Variants in ZNF804A observed in about 807,000 individuals in gnomAD.
ZNF804A encodes zinc finger protein 804A.
A neutral mutation model predicts 16.5 loss-of-function variants in ZNF804A; 2 were observed. The observed-to-expected ratio is 0.12, with a 90% CI of 0.05 to 0.38. The LOEUF (loss-of-function observed/expected upper bound fraction) is 0.38, where lower values mean the gene tolerates loss of function less well. ZNF804A is among the 10% of genes least tolerant of loss of function. The probability of loss-of-function intolerance (pLI) is 0.99; values close to 1 mark genes in which losing one functional copy is unlikely to be tolerated. For missense variants in ZNF804A, 1,473 were observed against 1,390.7 expected, an observed-to-expected ratio of 1.06 and a Z score of -0.94; for synonymous variants, 534 against 489.6, an observed-to-expected ratio of 1.09 and a Z score of -1.20.
At chr2:184,663,568 G>A (rs992047847) in intron 1 of ZNF804A, among the ~76,000 whole-genome samples, 2 of 152,132 alleles carry the variant, frequency 1.3e-5, no homozygotes, top group Admixed American at 1.3e-4. Context: ...GGAAAGAGGT[G>A]GGTTCCTGGT....
At chr2:184,709,248 A>G (rs1277635807) in intron 1 of ZNF804A, among the ~76,000 whole-genome samples, 1 of 152,166 alleles carries the variant, frequency 6.6e-6, no homozygotes, top group Non-Finnish European at 1.5e-5. Flanking sequence ...CTCTGAAACT[A>G]AAGAATTTTA....
At chr2:184,693,585 A>G (rs1692768223) in intron 1 of ZNF804A, among the ~76,000 whole-genome samples, 1 of 152,188 alleles carries the variant, frequency 6.6e-6, no homozygotes. Flanking sequence ...GGAAAATTCA[A>G]TGTTAATTGC....
At chr2:184,883,043 A>G (rs1684833473) in intron 2 of ZNF804A, among the ~76,000 whole-genome samples, 1 of 152,142 alleles carries the variant, frequency 6.6e-6, no homozygotes. Flanking sequence ...AGCTAGACTA[A>G]CAAAGAAAAA....
intron 1 of ZNF804A, among the ~76,000 whole-genome samples, chr2:184,652,337 A>C (rs1691999775): frequency 6.6e-6 from 1 of 152,146 alleles, no homozygotes; most frequent in South Asian, 2.1e-4. Flanking sequence ...ATTGGGTACT[A>C]TGTTCAGTAC....
At chr2:184,743,830 G>C (rs1693742439) in intron 1 of ZNF804A, among the ~76,000 whole-genome samples, 1 of 151,836 alleles carries the variant, frequency 6.6e-6, no homozygotes, top group Admixed American at 6.6e-5. Flanking sequence ...CTATAAATTT[G>C]ATGAGTGTTT....
chr2:184,685,314 A>G (rs1692610964), intron 1 of ZNF804A, among the ~76,000 whole-genome samples: 1 of 152,038 alleles, frequency 6.6e-6, no homozygotes, highest in Admixed American at 6.6e-5. Flanking sequence ...AGCCCCAAAG[A>G]GAGTGTCACA....
chr2:184,750,351 A>G (rs1381838430), intron 1 of ZNF804A, among the ~76,000 whole-genome samples: 1 of 151,380 alleles, frequency 6.6e-6, no homozygotes, highest in Non-Finnish European at 1.5e-5. Flanking sequence ...CATATTTTCA[A>G]TATTATATCT....
chr2:184,892,017 C>T (rs13428955), intron 2 of ZNF804A, among the ~76,000 whole-genome samples: 22,219 of 152,004 alleles, frequency 0.15, 1,764 homozygotes, highest in Middle Eastern at 0.24. Flanking sequence ...AGGAGAAAAA[C>T]AAAAGACCTA....
intron 2 of ZNF804A, among the ~76,000 whole-genome samples, chr2:184,910,515 G>T (rs1685338599): frequency 6.6e-6 from 1 of 151,988 alleles, no homozygotes; most frequent in Non-Finnish European, 1.5e-5. Context: ...TGAGTCAAAT[G>T]GTAATTGTGC....
intron 1 of ZNF804A, among the ~76,000 whole-genome samples, chr2:184,694,552 A>C (rs1398495260): frequency 6.6e-6 from 1 of 152,206 alleles, no homozygotes; most frequent in Non-Finnish European, 1.5e-5. Context: ...AAACATTTTA[A>C]ATAACCTAAG....
chr2:184,821,716 G>A (rs1277784340), intron 1 of ZNF804A, among the ~76,000 whole-genome samples: 1 of 151,914 alleles, frequency 6.6e-6, no homozygotes, highest in East Asian at 1.9e-4. Context: ...AGATTTACAA[G>A]GAAAAGACAA....
At chr2:184,897,445 A>G (rs1460368995) in intron 2 of ZNF804A, among the ~76,000 whole-genome samples, 1 of 149,994 alleles carries the variant, frequency 6.7e-6, no homozygotes, top group Non-Finnish European at 1.5e-5. Context: ...TCCATACAGC[A>G]ATTTTTTCCC....
intron 1 of ZNF804A, among the ~76,000 whole-genome samples, chr2:184,860,537 A>G (rs1016763506): frequency 6.6e-6 from 1 of 152,164 alleles, no homozygotes; most frequent in African/African-American, 2.4e-5. Flanking sequence ...GGCCCAGCAC[A>G]TGGGTCCACT....
intron 1 of ZNF804A, among the ~76,000 whole-genome samples, chr2:184,642,304 C>A (rs2105694461): frequency 6.6e-6 from 1 of 152,204 alleles, no homozygotes; most frequent in East Asian, 1.9e-4. Context: ...CCTAAACTGT[C>A]CTCAAGTAGC....
chr2:184,629,699 G>A (rs1691573693), intron 1 of ZNF804A, among the ~76,000 whole-genome samples: 1 of 152,088 alleles, frequency 6.6e-6, no homozygotes, highest in South Asian at 2.1e-4. Context: ...AAATTAATCA[G>A]TTTAGGACAG....
chr2:184,806,037 AT>A (rs1301166447), intron 1 of ZNF804A, among the ~76,000 whole-genome samples: 1 of 151,970 alleles, frequency 6.6e-6, no homozygotes, highest in Non-Finnish European at 1.5e-5. Context: ...TAGAAGACAA[AT>A]TTATATCAAA....
intron 1 of ZNF804A, among the ~76,000 whole-genome samples, chr2:184,844,091 T>G (rs2105801059): frequency 6.6e-6 from 1 of 152,224 alleles, no homozygotes; most frequent in Admixed American, 6.5e-5. Context: ...TGTACATTTT[T>G]ACTAATCTAA....
intron 2 of ZNF804A, among the ~76,000 whole-genome samples, chr2:184,872,405 G>A (rs756093690): frequency 5.3e-5 from 8 of 152,062 alleles, no homozygotes; most frequent in Non-Finnish European, 1.2e-4. Flanking sequence ...ATTATTCACA[G>A]ATCCTATGAT....
intron 2 of ZNF804A, among the ~76,000 whole-genome samples, chr2:184,924,581 T>G (rs1443238537): frequency 6.6e-6 from 1 of 151,714 alleles, no homozygotes; most frequent in African/African-American, 2.4e-5. Context: ...ATCTTTATTT[T>G]TTTTTCTTCT....
Sources: gnomAD v4.1 joint callset for allele counts (sites outside exome capture counted in the v4.1 genomes callset) on GRCh38, gnomAD v4.1.1 for gene constraint, MANE v1.5 for transcripts, NCBI Gene and HGNC (gene_info 2026-07-23, HGNC 2026-07-21) for gene names.